ATG10: variants seen among roughly 807,000 people sequenced by gnomAD.
ATG10 encodes the protein autophagy related 10, also known as ubiquitin-like-conjugating enzyme ATG10.
A neutral mutation model predicts 32.1 loss-of-function variants in ATG10; 30 were observed. The ratio of observed to expected loss-of-function variants is 0.94; its 90% CI spans 0.70 to 1.27. ATG10 has a LOEUF of 1.27. Among genes scored for constraint, ATG10 ranks in the 50% most tolerant of loss-of-function variants. The pLI is 0.00. For synonymous variants in ATG10, 87 were observed against 91.5 expected (o/e 0.95, Z 0.28); for missense variants, 233 against 262.3 (o/e 0.89, Z 0.77).
At chr5:81,995,864 T>A (rs1025145199) in intron 2 of ATG10, among the ~76,000 whole-genome samples, 1 of 152,146 alleles carries the variant, frequency 6.6e-6, no homozygotes, top group Non-Finnish European at 1.5e-5. Context: ...GTATAAAACT[T>A]GAGAATTGCT....
intron 3 of ATG10, among the ~76,000 whole-genome samples, chr5:82,059,947 A>T (rs1165421070): frequency 2.0e-5 from 3 of 148,624 alleles, no homozygotes; most frequent in South Asian, 2.1e-4. Flanking sequence ...ATATTAACTT[A>T]AAAAAAGTTT....
intron 5 of ATG10, among the ~76,000 whole-genome samples, chr5:82,233,720 TC>T (rs1369903588): frequency 6.6e-6 from 1 of 152,098 alleles, no homozygotes; most frequent in African/African-American, 2.4e-5. Flanking sequence ...GCCCTCAACT[TC>T]CTTACCTGTC....
intron 2 of ATG10, among the ~76,000 whole-genome samples, chr5:81,994,259 G>A (rs1258871077): frequency 1.3e-5 from 2 of 152,008 alleles, no homozygotes; most frequent in Admixed American, 6.6e-5. Flanking sequence ...TCCAGGCCCC[G>A]CATTGTGGCT....
intron 2 of ATG10, among the ~76,000 whole-genome samples, chr5:82,050,028 G>A (rs1484254200): frequency 6.6e-6 from 1 of 151,948 alleles, no homozygotes; most frequent in Non-Finnish European, 1.5e-5. Flanking sequence ...CTTCTCCTCT[G>A]ACCCAATTTT....
rs572193930 is a variant in ATG10 at position 82,078,582 on chromosome 5, A to C, written c.216+19980A>C. On this transcript the variant is annotated intron_variant, in intron 3 of 7. Coordinates refer to ENST00000282185, the MANE Select transcript of ATG10 (RefSeq NM_031482.5). ...TATGGTGACCTCTCGGGAGCAGGGGACCACTAGGTTACATAAGGAGGGGTG... is the reference window on the plus strand; with the variant it reads ...TATGGTGACCTCTCGGGAGCAGGGGCCCACTAGGTTACATAAGGAGGGGTG... 4 of 152,330 alleles carry C rather than the reference A, an allele frequency of 2.6e-5. No individual in the cohort carries two copies. The East Asian group carries it at 5.8e-4, about 22-fold the overall frequency. 9.4% of individuals were successfully genotyped at this position (152,330 alleles called of 1,614,324 possible). A position where few individuals can be genotyped will look rare whatever the true frequency, so the allele number is the denominator to read the frequency against.
At chr5:82,075,525 A>C (rs568569139) in intron 3 of ATG10, among the ~76,000 whole-genome samples, 1 of 152,364 alleles carries the variant, frequency 6.6e-6, no homozygotes, top group African/African-American at 2.4e-5. Flanking sequence ...ATCTATAACT[A>C]TTTCAACAAA....
At chr5:82,143,140 G>A (rs1325723671) in intron 3 of ATG10, among the ~76,000 whole-genome samples, 1 of 152,198 alleles carries the variant, frequency 6.6e-6, no homozygotes, top group Non-Finnish European at 1.5e-5. Flanking sequence ...GCACGGAGGT[G>A]GAGCCAGTGC....
chr5:82,022,488 T>A (rs1762471406), intron 2 of ATG10, among the ~76,000 whole-genome samples: 1 of 151,020 alleles, frequency 6.6e-6, no homozygotes, highest in South Asian at 2.1e-4. Context: ...ACAATGCCCG[T>A]CTAGTTTTTG....
At chr5:82,172,778 T>G (rs1276693989) in intron 4 of ATG10, among the ~76,000 whole-genome samples, 1 of 152,214 alleles carries the variant, frequency 6.6e-6, no homozygotes, top group African/African-American at 2.4e-5. Flanking sequence ...TTTTGGAATT[T>G]CATTTAGATT....
chr5:82,235,838 C>T (rs1446986720), intron 5 of ATG10, among the ~76,000 whole-genome samples: 1 of 152,168 alleles, frequency 6.6e-6, no homozygotes, highest in Non-Finnish European at 1.5e-5. Flanking sequence ...ATTTTTCTCT[C>T]TATGACGCTA....
intron 5 of ATG10, among the ~76,000 whole-genome samples, chr5:82,230,070 C>G (rs867294167): frequency 6.6e-6 from 1 of 152,148 alleles, no homozygotes; most frequent in African/African-American, 2.4e-5. Context: ...GAGCCCTAAC[C>G]CTTTGCATGT....
intron 3 of ATG10, among the ~76,000 whole-genome samples, chr5:82,085,867 C>T (rs1450877089): frequency 6.6e-6 from 1 of 151,962 alleles, no homozygotes; most frequent in African/African-American, 2.4e-5. Flanking sequence ...CCCTATTAGA[C>T]CCTCAAAATA....
intron 3 of ATG10, among the ~76,000 whole-genome samples, chr5:82,141,936 G>A (rs1767167334): frequency 1.3e-5 from 2 of 151,078 alleles, no homozygotes; most frequent in African/African-American, 2.4e-5. Flanking sequence ...CTACTTTTTT[G>A]CCCTGTCACG....
chr5:82,014,484 A>G (rs1404238679), intron 2 of ATG10, among the ~76,000 whole-genome samples: 1 of 152,086 alleles, frequency 6.6e-6, no homozygotes, highest in Non-Finnish European at 1.5e-5. Context: ...GTAGGTCTCT[A>G]AGGACTTGCT....
chr5:82,129,562 C>T (rs2149839545), intron 3 of ATG10, among the ~76,000 whole-genome samples: 1 of 152,164 alleles, frequency 6.6e-6, no homozygotes, highest in Non-Finnish European at 1.5e-5. Context: ...TTGATGCTAT[C>T]CCTTTCTATT....
chr5:82,207,021 T>TA (rs1745325271), intron 5 of ATG10, among the ~76,000 whole-genome samples: 2 of 152,226 alleles, frequency 1.3e-5, no homozygotes, highest in Admixed American at 6.5e-5. Flanking sequence ...AGTATTATAA[T>TA]ACAGTATTTG....
chr5:82,208,574 G>C (rs1473462927), intron 5 of ATG10, among the ~76,000 whole-genome samples: 1 of 152,212 alleles, frequency 6.6e-6, no homozygotes, highest in South Asian at 2.1e-4. Flanking sequence ...TTGTTGGGTG[G>C]AAGTGGATAT....
At chr5:82,058,052 G>A (rs564895513) in intron 2 of ATG10, among the ~76,000 whole-genome samples, 13 of 152,270 alleles carry the variant, frequency 8.5e-5, no homozygotes, top group African/African-American at 2.6e-4. Flanking sequence ...ACCTTTCTGG[G>A]ACATTTTCAT....
intron 3 of ATG10, among the ~76,000 whole-genome samples, chr5:82,115,980 T>G (rs1765796495): frequency 6.6e-6 from 1 of 152,102 alleles, no homozygotes; most frequent in Non-Finnish European, 1.5e-5. Flanking sequence ...GAACACAGTT[T>G]GCGTAGAAAG....
Sources: allele counts gnomAD v4.1 joint callset (sites outside exome capture counted in the v4.1 genomes callset), GRCh38; gene constraint gnomAD v4.1.1; transcripts MANE v1.5; gene names NCBI Gene and HGNC (gene_info 2026-07-23, HGNC 2026-07-21).